Variants in EXT1 observed in about 807,000 individuals in gnomAD.
EXT1 encodes exostosin-1.
A neutral mutation model predicts 82.5 loss-of-function variants in EXT1; 20 were observed. That is an observed-to-expected ratio of 0.24 (90% CI 0.17 to 0.35). EXT1 has a LOEUF of 0.35. Ranked by LOEUF, EXT1 falls within the 10% of genes least tolerant of loss-of-function variation. EXT1 has a pLI of 1.00. For missense variants in EXT1, 757 were observed against 936.5 expected, an observed-to-expected ratio of 0.81 and a Z score of 2.50; for synonymous variants, 348 against 350.8, an observed-to-expected ratio of 0.99 and a Z score of 0.09.
chr8:118,104,364 T>C (rs1386534956), intron 1 of EXT1, among the ~76,000 whole-genome samples: 1 of 152,194 alleles, frequency 6.6e-6, no homozygotes, highest in Non-Finnish European at 1.5e-5. Context: ...AGAAAGTTAA[T>C]TCCGCACAAC....
At chr8:118,092,024 T>C (rs1419798945) in intron 1 of EXT1, among the ~76,000 whole-genome samples, 1 of 152,198 alleles carries the variant, frequency 6.6e-6, no homozygotes, top group Non-Finnish European at 1.5e-5. Flanking sequence ...CCTGTTCTCA[T>C]GAACCTAATT....
At chr8:117,878,391 GA>G (rs1037188629) in intron 1 of EXT1, among the ~76,000 whole-genome samples, 1 of 152,142 alleles carries the variant, frequency 6.6e-6, no homozygotes, top group African/African-American at 2.4e-5. Flanking sequence ...AAAATCAAAG[GA>G]AAAACTCATT....
At chr8:117,811,606 A>G (rs1823324808) in intron 8 of EXT1, among the ~76,000 whole-genome samples, 1 of 151,526 alleles carries the variant, frequency 6.6e-6, no homozygotes, top group Non-Finnish European at 1.5e-5. Flanking sequence ...GCACCTTGAA[A>G]GCATCTATGG....
At chr8:117,973,983 A>AAGGAAGGAAGGAAGGG (rs1815016232) in intron 1 of EXT1, among the ~76,000 whole-genome samples, 1 of 151,038 alleles carries the variant, frequency 6.6e-6, no homozygotes, top group African/African-American at 2.4e-5. Flanking sequence ...GGAAGGAAGG[A>AAGGAAGGAAGGAAGGG]AGGAAATAAA....
At chr8:117,871,495 T>C (rs1397121543) in intron 1 of EXT1, among the ~76,000 whole-genome samples, 6 of 152,236 alleles carry the variant, frequency 3.9e-5, no homozygotes, top group Non-Finnish European at 8.8e-5. Flanking sequence ...TTTGCAAATA[T>C]ATTCTAATGT....
intron 1 of EXT1, among the ~76,000 whole-genome samples, chr8:117,905,678 G>A (rs1473576605): frequency 6.6e-6 from 1 of 152,112 alleles, no homozygotes; most frequent in Non-Finnish European, 1.5e-5. Flanking sequence ...CGGGCGTGGT[G>A]GCGGGCGCCT....
At chr8:118,009,854 G>C (rs17476380) in intron 1 of EXT1, among the ~76,000 whole-genome samples, 3,073 of 152,178 alleles carry the variant, frequency 0.02, 110 homozygotes, top group African/African-American at 0.071. Flanking sequence ...CCACGAAACC[G>C]GTTCCTGGTG....
intron 1 of EXT1, among the ~76,000 whole-genome samples, chr8:118,032,597 G>C (rs374948978): frequency 6.8e-6 from 1 of 147,854 alleles, no homozygotes; most frequent in Non-Finnish European, 1.5e-5. Context: ...TGCATCCTCC[G>C]CCTCCCAGGT....
chr8:117,828,420 G>A (rs911612862), intron 4 of EXT1, among the ~76,000 whole-genome samples: 2 of 151,814 alleles, frequency 1.3e-5, no homozygotes, highest in African/African-American at 2.4e-5. Flanking sequence ...ACAGTAGCTC[G>A]CGCCCATGGT....
At chr8:118,055,824 T>C (rs896589844) in intron 1 of EXT1, among the ~76,000 whole-genome samples, 1 of 152,206 alleles carries the variant, frequency 6.6e-6, no homozygotes, top group Non-Finnish European at 1.5e-5. Context: ...ACTATTAATC[T>C]TAACATCTAT....
intron 1 of EXT1, among the ~76,000 whole-genome samples, chr8:117,863,411 G>GTTTTTTTT (rs10624775): frequency 1.5e-5 from 2 of 132,354 alleles, no homozygotes; most frequent in Non-Finnish European, 3.1e-5. Flanking sequence ...CTAAGTCTAG[G>GTTTTTTTT]TTTTTTTTTT....
At chr8:118,067,322 A>T (rs1817007867) in intron 1 of EXT1, among the ~76,000 whole-genome samples, 1 of 152,228 alleles carries the variant, frequency 6.6e-6, no homozygotes, top group Admixed American at 6.5e-5. Flanking sequence ...AGTGTTCATT[A>T]TACTGCGGTT....
chr8:117,978,652 T>C (rs976597671), intron 1 of EXT1, among the ~76,000 whole-genome samples: 4 of 152,240 alleles, frequency 2.6e-5, no homozygotes, highest in East Asian at 1.9e-4. Flanking sequence ...AAGGTTTCTT[T>C]ACAAATGTAT....
intron 1 of EXT1, among the ~76,000 whole-genome samples, chr8:117,974,964 A>G (rs1047359471): frequency 6.6e-6 from 1 of 152,246 alleles, no homozygotes; most frequent in African/African-American, 2.4e-5. Context: ...AAAATGATCC[A>G]ATTTTGACAT....
chr8:118,039,696 G>A (rs1161822142), intron 1 of EXT1, among the ~76,000 whole-genome samples: 2 of 152,014 alleles, frequency 1.3e-5, no homozygotes, highest in Admixed American at 1.3e-4. Context: ...ACCCAAGCAG[G>A]CACCAATAAT....
intron 1 of EXT1, among the ~76,000 whole-genome samples, chr8:117,944,269 G>A (rs761950423): frequency 1.4e-4 from 21 of 152,222 alleles, no homozygotes; most frequent in Non-Finnish European, 2.2e-4. Context: ...GTGTGGTGGC[G>A]GGCACATGTA....
At chr8:117,977,085 A>T (rs1394180382) in intron 1 of EXT1, among the ~76,000 whole-genome samples, 4 of 151,940 alleles carry the variant, frequency 2.6e-5, no homozygotes, top group African/African-American at 9.7e-5. Context: ...GATTTTTTTT[A>T]AAAAGATGAC....
Position 117,872,809 on chromosome 8 carries a change from G to A in EXT1, c.963-35608C>T, listed in dbSNP as rs1352315731. 1.3e-4 allele frequency among the ~76,000 whole-genome samples: 18 copies of A among 140,460 alleles called. 1 individual carries two copies. The highest frequency in any genetic ancestry group is 6.6e-4 in the Admixed American group (9 of 13,736). 92.1% of individuals were successfully genotyped at this position (140,460 alleles called of 152,430 possible). ...AAGATCTCCAAACACATATTAAAGC[G>A]AATACTGAAGCAGAGAAAAAAAAAA... On this transcript the variant is annotated intron_variant, in intron 1 of 10. Transcript: ENST00000378204.
intron 1 of EXT1, among the ~76,000 whole-genome samples, chr8:117,894,403 G>C (rs551906631): frequency 9.9e-5 from 15 of 152,138 alleles, no homozygotes; most frequent in South Asian, 6.2e-4. Flanking sequence ...GTATGAGGCT[G>C]GTGTTTGGGC....
Sources: gnomAD v4.1 joint callset for allele counts (sites outside exome capture counted in the v4.1 genomes callset) on GRCh38, gnomAD v4.1.1 for gene constraint, MANE v1.5 for transcripts, NCBI Gene and HGNC (gene_info 2026-07-23, HGNC 2026-07-21) for gene names.